Variants in TSTD2 observed in about 807,000 individuals in gnomAD.
TSTD2 encodes thiosulfate sulfurtransferase like domain containing 2.
In TSTD2, 37 loss-of-function variants were observed where a neutral mutation model predicts 47.9. That is an observed-to-expected ratio of 0.77 (90% confidence interval 0.59 to 1.02). The LOEUF (loss-of-function observed/expected upper bound fraction) is 1.02, where lower values mean the gene tolerates loss of function less well. Among genes scored for constraint, TSTD2 ranks in the 50% least tolerant of loss-of-function variants. The pLI is 0.00. For synonymous variants in TSTD2, 201 were observed against 215.9 expected (o/e 0.93, Z 0.61); for missense variants, 586 against 616.0 (o/e 0.95, Z 0.52).
intron 4 of TSTD2, among the ~76,000 whole-genome samples, chr9:97,613,684 A>G (rs1241761939): frequency 6.6e-6 from 1 of 152,146 alleles, no homozygotes; most frequent in Non-Finnish European, 1.5e-5. Context: ...CTGGAAAAAG[A>G]GATGATTTAA....
chr9:97,632,498 C>T (rs1587987515), intron 1 of TSTD2, among the ~76,000 whole-genome samples: 1 of 148,510 alleles, frequency 6.7e-6, no homozygotes, highest in South Asian at 2.1e-4. Flanking sequence ...CGGCCCCCAA[C>T]CCTCCCCTCG....
At chr9:97,628,811 T>C in intron 1 of TSTD2, among the ~76,000 whole-genome samples, 1 of 152,076 alleles carries the variant, frequency 6.6e-6, no homozygotes, top group East Asian at 1.9e-4. Flanking sequence ...ACCACTGTAT[T>C]GTGAGTAAGC....
chr9:97,611,468 A>C, intron 5 of TSTD2, 106 bp downstream of exon 5: 2 of 1,273,532 alleles, frequency 1.6e-6, no homozygotes, highest in Non-Finnish European at 2.1e-6. Flanking sequence ...GGGAAAGGGT[A>C]TTTATTTGGC....
intron 1 of TSTD2, among the ~76,000 whole-genome samples, chr9:97,628,673 G>C (rs1439971449): frequency 6.6e-6 from 1 of 152,068 alleles, no homozygotes; most frequent in African/African-American, 2.4e-5. Flanking sequence ...CCTAAGCCTA[G>C]GCAGGCTTGT....
rs1826351621 is a variant in TSTD2, at chr9:97,605,550, TTC to T, written c.1044_1045del (p.Lys349GlufsTer13). ...CCCGGTACAGTACATCAGCACTCTC[TTC>T]TCTCTGAAAAGTTCTAGATTTTTGT... On this transcript the variant is annotated frameshift_variant, in exon 8 of 10. Transcript: ENST00000341170. LOFTEE classifies it high-confidence loss of function. The T allele has an allele frequency of 1.2e-6, 2 of 1,614,194 alleles. No homozygotes were observed. The highest frequency in any genetic ancestry group is 1.1e-5 in the South Asian group (1 of 91,084).
intron 3 of TSTD2, among the ~76,000 whole-genome samples, chr9:97,620,345 C>T (rs1321081602): frequency 6.6e-6 from 1 of 152,182 alleles, no homozygotes; most frequent in African/African-American, 2.4e-5. Context: ...CCATGTGGAA[C>T]TGTAAGTCCA....
At position 97,601,210 on chromosome 9, in the gene TSTD2, A is replaced by G; in HGVS notation, c.*1259T>C. 44 of 1,288,132 alleles carry G rather than the reference A, an allele frequency of 3.4e-5. No individual in the cohort carries two copies. In the South Asian group the frequency reaches 5.5e-4, roughly 16 times the overall value. 79.8% of individuals were successfully genotyped at this position (1,288,132 alleles called of 1,614,324 possible). ...AAACACAATTGCAGCTGCATTCTGC[A>G]TCGCTGAAAACTGCAATATAATATT... On this transcript the variant is annotated 3_prime_UTR_variant, in exon 10 of 10. Transcript: ENST00000341170.
intron 3 of TSTD2, among the ~76,000 whole-genome samples, chr9:97,623,856 CA>C (rs201554260): frequency 3.5e-4 from 49 of 138,058 alleles, no homozygotes; most frequent in Admixed American, 4.3e-4. Context: ...GACTCTGTCT[CA>C]AAAAAAAAAA....
At chr9:97,623,142 A>T (rs1227089668) in intron 3 of TSTD2, among the ~76,000 whole-genome samples, 2 of 152,200 alleles carry the variant, frequency 1.3e-5, no homozygotes, top group African/African-American at 4.8e-5. Flanking sequence ...GGAGGACCCC[A>T]GTGGGAGGTA....
Position 97,632,379 on chromosome 9 carries a change from G to A in TSTD2, c.-51+864C>T, listed in dbSNP as rs974771770. On this transcript the variant is annotated intron_variant, in intron 1 of 9. Coordinates refer to ENST00000341170, the MANE Select transcript of TSTD2 (RefSeq NM_139246.5). ...GAGTGTGCAATGGAAAGTCGTAGGA[G>A]ACTTTTTTTTTTTGACACGGTCTCA... is the stretch of plus-strand genomic sequence containing the variant. Among the ~76,000 whole-genome samples, 7 of 145,376 alleles carry A rather than the reference G, an allele frequency of 4.8e-5. No homozygotes were observed. The Middle Eastern group carries it at 0.014, about 283-fold the overall frequency.
intron 4 of TSTD2, among the ~76,000 whole-genome samples, chr9:97,615,072 T>C (rs1365628520): frequency 6.6e-6 from 1 of 152,288 alleles, no homozygotes; most frequent in Non-Finnish European, 1.5e-5. Context: ...GGCTAGTAGA[T>C]TCTTTTCTAA....
At chr9:97,621,619 C>A (rs957902800) in intron 3 of TSTD2, among the ~76,000 whole-genome samples, 1 of 152,080 alleles carries the variant, frequency 6.6e-6, no homozygotes, top group South Asian at 2.1e-4. Flanking sequence ...CTGCCTTATG[C>A]GGTTGAAGAT....
At chr9:97,628,700 TAAA>T (rs1826761138) in intron 1 of TSTD2, among the ~76,000 whole-genome samples, 1 of 152,152 alleles carries the variant, frequency 6.6e-6, no homozygotes, top group Non-Finnish European at 1.5e-5. Flanking sequence ...CTCCCAAAAA[TAAA>T]GCGTGATGGA....
At chr9:97,606,547 G>A (rs1463314740) in intron 6 of TSTD2, among the ~76,000 whole-genome samples, 2 of 152,128 alleles carry the variant, frequency 1.3e-5, no homozygotes, top group Non-Finnish European at 2.9e-5. Context: ...CCTCATACTT[G>A]GCCTAACCCT....
chr9:97,606,302 A>C (rs1323758961), intron 6 of TSTD2, 41 bp from the exon 7 acceptor site: 1 of 1,332,786 alleles, frequency 7.5e-7, no homozygotes, highest in Admixed American at 2.1e-5. Context: ...ACAAAGACAA[A>C]AAAACCAAAA....
rs188758798 is a variant in TSTD2, at chr9:97,600,447, T to C, written c.*2022A>G. On this transcript the variant is annotated 3_prime_UTR_variant, in exon 10 of 10. Coordinates refer to ENST00000341170, the MANE Select transcript of TSTD2 (RefSeq NM_139246.5). ...TTTATGTACAATTTAATACTGGAGT[T>C]AGAACTTTTTCCTTATTGAATGCCA... 5.8e-5 allele frequency: 57 copies of C among 985,666 alleles called. No homozygotes were observed. The African/African-American group carries it at 9.9e-4, about 17-fold the overall frequency. 61.1% of individuals were successfully genotyped at this position (985,666 alleles called of 1,614,324 possible). A position where few individuals can be genotyped will look rare whatever the true frequency, so the allele number is the denominator to read the frequency against.
chr9:97,611,814 T>C, intron 4 of TSTD2, 115 bp from the exon 5 acceptor site: 3 of 1,034,156 alleles, frequency 2.9e-6, no homozygotes, highest in Admixed American at 2.1e-5. Flanking sequence ...GCAGAGACGC[T>C]GATGAGGACA....
chr9:97,611,797 A>G, intron 4 of TSTD2, 98 bp from the exon 5 acceptor site: 1 of 1,279,414 alleles, frequency 7.8e-7, no homozygotes, highest in Non-Finnish European at 1.1e-6. Context: ...TGAGTTTAAC[A>G]GGAAAAGCAG....
intron 3 of TSTD2, among the ~76,000 whole-genome samples, chr9:97,625,028 G>T (rs139512198): frequency 4.6e-5 from 7 of 152,188 alleles, no homozygotes; most frequent in Non-Finnish European, 7.4e-5. Context: ...TGTAAAGTTT[G>T]ATCATTTTTG....
Sources: allele counts gnomAD v4.1 joint callset (sites outside exome capture counted in the v4.1 genomes callset), GRCh38; gene constraint gnomAD v4.1.1; transcripts MANE v1.5; gene names NCBI Gene and HGNC (gene_info 2026-07-23, HGNC 2026-07-21).